The following FER1L6 variants were observed in gnomAD, a reference collection of about 807,000 sequenced individuals.
FER1L6 encodes the protein fer-1 like family member 6.
Under a neutral mutation model 219.2 loss-of-function variants are expected in FER1L6, and 177 were observed. The ratio of observed to expected loss-of-function variants is 0.81; its 90% CI spans 0.71 to 0.91. The LOEUF is 0.91. Ranked by LOEUF, FER1L6 falls within the 40% of genes least tolerant of loss-of-function variation. The probability of loss-of-function intolerance (pLI) is 0.00; values close to 1 mark genes in which losing one functional copy is unlikely to be tolerated. For missense variants in FER1L6, 2,153 were observed against 2,259.9 expected (o/e 0.95, Z 0.96); for synonymous variants, 768 against 824.3 (o/e 0.93, Z 1.17).
At position 123,995,118 on chromosome 8, in the gene FER1L6, A is replaced by G. The variant is rs114217866; in HGVS notation, c.1520-8049A>G. Among the ~76,000 whole-genome samples the G allele has an allele frequency of 2.7e-3, 413 of 152,318 alleles. 2 individuals are homozygous for G. The highest frequency in any genetic ancestry group is 9.5e-3 in the African/African-American group (393 of 41,576). ...TCAGAGGGTCTGTAGTTTCTTTCAG[A>G]AAGTTTTCCTGTTAAGTTCCTGCAT... On this transcript the variant is annotated intron_variant, in intron 12 of 40. Coordinates refer to ENST00000522917, the MANE Select transcript of FER1L6 (RefSeq NM_001039112.2).
chr8:124,029,111 A>C (rs990902839), intron 18 of FER1L6, among the ~76,000 whole-genome samples: 3 of 152,130 alleles, frequency 2.0e-5, no homozygotes, highest in Non-Finnish European at 4.4e-5. Flanking sequence ...ACATGATCTC[A>C]TTCTTTTTTA....
chr8:124,113,386 C>T (rs1346330271), intron 39 of FER1L6, among the ~76,000 whole-genome samples: 1 of 152,134 alleles, frequency 6.6e-6, no homozygotes, highest in Non-Finnish European at 1.5e-5. Flanking sequence ...ACAATTTAAG[C>T]TGTAGACATT....
At chr8:124,006,496 GTGTGCACATATATGCATGCA>G (rs1273793239) in intron 13 of FER1L6, among the ~76,000 whole-genome samples, 1 of 152,160 alleles carries the variant, frequency 6.6e-6, no homozygotes, top group African/African-American at 2.4e-5. Flanking sequence ...CCCTATACAT[GTGTGCACATATATGCATGCA>G]TGTGCACATA....
intron 1 of FER1L6, among the ~76,000 whole-genome samples, chr8:123,936,406 G>C (rs1814003058): frequency 6.7e-6 from 1 of 149,484 alleles, no homozygotes; most frequent in South Asian, 2.1e-4. Context: ...TTAAGACATT[G>C]CTCTCACAGT....
intron 39 of FER1L6, among the ~76,000 whole-genome samples, chr8:124,116,561 A>G (rs1823255184): frequency 6.6e-6 from 1 of 152,232 alleles, no homozygotes; most frequent in Non-Finnish European, 1.5e-5. Context: ...ATGAAACACC[A>G]TGCAAGTTAT....
At chr8:124,010,863 A>C in intron 14 of FER1L6, 149 bp downstream of exon 14, 1 of 1,133,874 alleles carries the variant, frequency 8.8e-7, no homozygotes, top group Non-Finnish European at 1.2e-6. Context: ...GGATCCTACT[A>C]TGCAAATCTA....
chr8:124,103,940 C>T (rs553425777), intron 39 of FER1L6, among the ~76,000 whole-genome samples: 1 of 152,332 alleles, frequency 6.6e-6, no homozygotes, highest in African/African-American at 2.4e-5. Flanking sequence ...GTGCATTCTG[C>T]CCTCTGCTTC....
intron 20 of FER1L6, 50 bp downstream of exon 20, chr8:124,040,056 G>A: frequency 6.2e-7 from 1 of 1,610,260 alleles, no homozygotes; most frequent in Non-Finnish European, 8.5e-7. Context: ...GCCTGCAACT[G>A]ACCCACAGAA....
intron 1 of FER1L6, among the ~76,000 whole-genome samples, chr8:123,898,857 A>G (rs1195438879): frequency 6.7e-6 from 1 of 149,062 alleles, no homozygotes; most frequent in African/African-American, 2.5e-5. Context: ...ATACACACAC[A>G]CACACACACA....
At chr8:124,114,550 C>A (rs1823153339) in intron 39 of FER1L6, among the ~76,000 whole-genome samples, 1 of 151,796 alleles carries the variant, frequency 6.6e-6, no homozygotes, top group African/African-American at 2.4e-5. Context: ...AGGTCTAGGG[C>A]AGATAAAATC....
At chr8:124,103,810 T>C (rs1159970694) in intron 39 of FER1L6, among the ~76,000 whole-genome samples, 1 of 152,242 alleles carries the variant, frequency 6.6e-6, no homozygotes, top group African/African-American at 2.4e-5. Context: ...CTTCTTCCTG[T>C]TCTTTCACCT....
chr8:123,865,416 G>A (rs1816818011), intron 1 of FER1L6, among the ~76,000 whole-genome samples: 1 of 150,776 alleles, frequency 6.6e-6, no homozygotes, highest in Non-Finnish European at 1.5e-5. Flanking sequence ...AGTCTGCAGA[G>A]GTTACTGCTG....
In FER1L6 at chr8:124,101,323, T is replaced by G; in HGVS notation, c.5110T>G (p.Ser1704Ala). The G allele has an allele frequency of 1.2e-6, 2 of 1,613,216 alleles. No individual in the cohort carries two copies. Among genetic ancestry groups the G allele is most frequent in the Non-Finnish European group, 1.7e-6 (2 of 1,179,268 alleles). ...LQVWDFERLS[S>A]DDFLGTLEMN... ...GGTTTGGGATTTTGAAAGGCTGTCCTCAGATGACTTCCTGGGTAAGCCAGT... is the reference window on the plus strand; with the variant it reads ...GGTTTGGGATTTTGAAAGGCTGTCCGCAGATGACTTCCTGGGTAAGCCAGT... Residue 1704 changes from serine (S) to alanine (A), a missense_variant, in exon 38 of 41, where the codon TCA becomes GCA. Physicochemically the swap from Ser to Ala is moderately conservative, Grantham distance 99. Transcript: ENST00000522917.
intron 13 of FER1L6, among the ~76,000 whole-genome samples, chr8:124,010,180 G>A (rs767034603): frequency 6.8e-6 from 1 of 148,104 alleles, no homozygotes; most frequent in Non-Finnish European, 1.5e-5. Context: ...TAGTTCAAGG[G>A]TTCGGAAGCT....
At chr8:123,919,969 G>A (rs1275432445) in intron 1 of FER1L6, among the ~76,000 whole-genome samples, 1 of 152,198 alleles carries the variant, frequency 6.6e-6, no homozygotes, top group Non-Finnish European at 1.5e-5. Flanking sequence ...ACACACAAGG[G>A]TGAAGGCCCT....
At chr8:123,966,904 ACCC>A (rs1468480523) in intron 5 of FER1L6, among the ~76,000 whole-genome samples, 1 of 151,978 alleles carries the variant, frequency 6.6e-6, no homozygotes, top group African/African-American at 2.4e-5. Flanking sequence ...ACATGGTGAA[ACCC>A]CATCTCTACT....
At chr8:123,959,215 T>G (rs11993947) in intron 2 of FER1L6, among the ~76,000 whole-genome samples, 55,036 of 151,976 alleles carry the variant, frequency 0.36, 10,283 homozygotes, top group Non-Finnish European at 0.41. Flanking sequence ...TCTACCTCGA[T>G]GTCTCACCCT....
At chr8:124,030,883 T>C (rs1162030145) in intron 18 of FER1L6, among the ~76,000 whole-genome samples, 3 of 152,106 alleles carry the variant, frequency 2.0e-5, no homozygotes, top group Non-Finnish European at 4.4e-5. Context: ...GACTTCCTCT[T>C]CCTTTTGAGC....
chr8:123,939,839 TCA>T (rs949127115), intron 1 of FER1L6, among the ~76,000 whole-genome samples: 24 of 152,288 alleles, frequency 1.6e-4, no homozygotes, highest in African/African-American at 5.3e-4. Flanking sequence ...TTAGAATAAG[TCA>T]CTCAAGGCTT....
Sources: gnomAD v4.1 joint callset for allele counts (sites outside exome capture counted in the v4.1 genomes callset) on GRCh38, gnomAD v4.1.1 for gene constraint, MANE v1.5 for transcripts, NCBI Gene and HGNC (gene_info 2026-07-23, HGNC 2026-07-21) for gene names.